Variants in PROSER3 observed in about 807,000 individuals in gnomAD.
PROSER3 encodes proline and serine rich 3.
In PROSER3, 33 loss-of-function variants were observed where a neutral mutation model predicts 50.2. The observed-to-expected ratio is 0.66, with a 90% CI of 0.50 to 0.88. The LOEUF (loss-of-function observed/expected upper bound fraction) is 0.88, where lower values mean the gene tolerates loss of function less well. Among genes scored for constraint, PROSER3 ranks in the 40% least tolerant of loss-of-function variants. The pLI, the probability that PROSER3 is intolerant of heterozygous loss-of-function variation, is 0.00. For synonymous variants in PROSER3, 266 were observed against 259.3 expected (o/e 1.03, Z -0.25); for missense variants, 623 against 612.7 (o/e 1.02, Z -0.18).
exon 11 of PROSER3, chr19:35,768,429 C>T: frequency 6.3e-7 from 1 of 1,597,696 alleles, no homozygotes; most frequent in African/African-American, 1.3e-5. Flanking sequence ...ATTATCGTTC[C>T]TGTTGGACCA....
chr19:35,761,439 A>G lies in PROSER3; in HGVS notation c.312-580A>G, dbSNP rs1179391944. On this transcript the variant is annotated intron_variant, in intron 3 of 10. Coordinates refer to ENST00000396908, the Ensembl canonical transcript of PROSER3. ...GTAATTCCAGCACTTTGGGAGGCCA[A>G]AGTGGGTGGATCACCTGAGATCAGG... Among the ~76,000 whole-genome samples the G allele has an allele frequency of 2.6e-5, 4 of 152,148 alleles. 1 individual carries two copies. Among genetic ancestry groups the G allele is most frequent in the Admixed American group, 6.5e-5 (1 of 15,280 alleles).
intron 5 of PROSER3, chr19:35,763,132 GT>G (rs1971013728): frequency 1.3e-5 from 2 of 152,222 alleles, no homozygotes; most frequent in Middle Eastern, 3.4e-3. Context: ...AAAAGTAGAT[GT>G]TTCCAGATAT....
intron 5 of PROSER3, among the ~76,000 whole-genome samples, 198 bp from the exon 6 acceptor site, chr19:35,764,654 CAA>C (rs921410542): frequency 8.7e-6 from 1 of 114,422 alleles, no homozygotes. Context: ...AATTCAATCT[CAA>C]AAAAAAAAAG....
At chr19:35,758,222 C>T (rs1265918988) in exon 1 of PROSER3, 2 of 1,562,548 alleles carry the variant, frequency 1.3e-6, no homozygotes, top group Non-Finnish European at 1.7e-6. Flanking sequence ...CGGGATGGAC[C>T]GCAGGTGAGG....
chr19:35,762,372 A>C lies in PROSER3; in HGVS notation c.543+16A>C. 3 of 1,574,776 alleles carry C rather than the reference A, an allele frequency of 1.9e-6. No individual in the cohort carries two copies. Among genetic ancestry groups the C allele is most frequent in the Non-Finnish European group, 2.6e-6 (3 of 1,157,610 alleles). On this transcript the variant is annotated intron_variant, in intron 5 of 10. Coordinates refer to ENST00000396908, the Ensembl canonical transcript of PROSER3. ...AATAAAGCAGGTGACATCCCCATTC[A>C]CTCCCTCCCTTGGGTGCCTGAACTG...
Position 35,767,734 on chromosome 19 carries a change from G to A in PROSER3, c.958-70G>A, listed in dbSNP as rs544127325. On this transcript the variant is annotated intron_variant, in intron 8 of 10. Coordinates refer to ENST00000396908, the Ensembl canonical transcript of PROSER3. ...CCCCTCCACCCAAGGCTGGATCTCC[G>A]AAAGTCCAGGCCACACAACCCCAAA... 1.6e-4 allele frequency: 241 copies of A among 1,537,808 alleles called. No homozygotes were observed. The African/African-American group carries it at 2.9e-3, about 18-fold the overall frequency.
At chr19:35,764,666 G>GA (rs908652201) in intron 5 of PROSER3, among the ~76,000 whole-genome samples, 188 bp from the exon 6 acceptor site, 19 of 140,150 alleles carry the variant, frequency 1.4e-4, no homozygotes, top group South Asian at 2.3e-4. Flanking sequence ...AAAAAAAAAA[G>GA]AAAAAAAAAA....
chr19:35,768,372 C>G (rs1287588067), intron 10 of PROSER3, 32 bp from the exon 11 acceptor site: 14 of 1,588,690 alleles, frequency 8.8e-6, no homozygotes, highest in Non-Finnish European at 1.2e-5. Flanking sequence ...TGAGCACATA[C>G]CCCAGCCTCT....
chr19:35,770,103 C>T (rs1475320970), downstream of PROSER3, among the ~76,000 whole-genome samples: 2 of 152,024 alleles, frequency 1.3e-5, no homozygotes, highest in Non-Finnish European at 2.9e-5. Flanking sequence ...CGGGGTTTCA[C>T]CATATTGGCC....
chr19:35,763,808 CT>C (rs74172759), intron 5 of PROSER3, among the ~76,000 whole-genome samples: 266 of 130,438 alleles, frequency 2.0e-3, no homozygotes, highest in Admixed American at 2.6e-3. Context: ...GCCCGGCCTT[CT>C]TTTTTTTTTT....
chr19:35,768,031 TGCCCAGGCCGCCCTGCTG>T, exon 9 of PROSER3: 1 of 1,582,218 alleles, frequency 6.3e-7, no homozygotes, highest in Non-Finnish European at 8.6e-7. Flanking sequence ...AGGCCCTGCT[TGCCCAGGCCGCCCTGCTG>T]CTGCAGGCTG....
At chr19:35,768,772 T>TACTTGAGG in exon 11 of PROSER3, 1 of 440,548 alleles carries the variant, frequency 2.3e-6, no homozygotes, top group Non-Finnish European at 3.8e-6. Flanking sequence ...CAGAGGGAGT[T>TACTTGAGG]TCAGACAAGA....
intron 7 of PROSER3, 113 bp from the exon 8 acceptor site, chr19:35,766,655 G>A: frequency 4.2e-6 from 3 of 712,976 alleles, no homozygotes; most frequent in South Asian, 2.0e-5. Context: ...AGTATCTGGA[G>A]AGCCTGTCTG....
chr19:35,759,388 C>T (rs755839271), exon 2 of PROSER3: 1 of 1,613,550 alleles, frequency 6.2e-7, no homozygotes, highest in Non-Finnish European at 8.5e-7. Flanking sequence ...CCAGTTTTCT[C>T]CATTCAAGAT....
intron 10 of PROSER3, 28 bp downstream of exon 10, chr19:35,768,264 A>C: frequency 6.2e-7 from 1 of 1,602,922 alleles, no homozygotes; most frequent in Non-Finnish European, 8.5e-7. Flanking sequence ...CCCAGAGTCT[A>C]TGACACTGGG....
chr19:35,759,752 TCA>T (rs1055559395), intron 2 of PROSER3, 35 bp from the exon 3 acceptor site: 3 of 1,528,098 alleles, frequency 2.0e-6, no homozygotes, highest in Non-Finnish European at 2.7e-6. Context: ...CCATGAGACC[TCA>T]CACTTTTTCT....
rs772947134 is a variant in PROSER3, at chr19:35,759,324, A to G, written c.12-50A>G. ...GCCCTCCTCTAATGTCCCCCTCCCC[A>G]GGGCTGCGGCGAAACCACGTGCTGC... On this transcript the variant is annotated intron_variant, in intron 1 of 10. Transcript: ENST00000396908. The G allele has an allele frequency of 2.0e-6, 3 of 1,481,352 alleles. No homozygotes were observed. In the African/African-American group the frequency reaches 4.2e-5, roughly 21 times the overall value. The allele number at this position is 1,481,352 out of a possible 1,614,324, so 91.8% of individuals were successfully genotyped here.
exon 3 of PROSER3, chr19:35,759,978 T>G (rs1351196931): frequency 6.3e-7 from 1 of 1,594,262 alleles, no homozygotes; most frequent in South Asian, 1.1e-5. Context: ...CAGCGGGGAC[T>G]CCGTGGTGGC....
At chr19:35,768,469 C>A (rs1467585185) in exon 11 of PROSER3, 2 of 1,598,188 alleles carry the variant, frequency 1.3e-6, no homozygotes, top group Middle Eastern at 1.6e-4. Context: ...TGGTCCCCTC[C>A]AGCCGGGTCG....
Sources: allele counts gnomAD v4.1 joint callset (sites outside exome capture counted in the v4.1 genomes callset), GRCh38; gene constraint gnomAD v4.1.1; transcripts MANE v1.5; gene names NCBI Gene and HGNC (gene_info 2026-07-23, HGNC 2026-07-21).